Variants in AJAP1 observed in about 807,000 individuals in gnomAD.
The protein encoded by AJAP1 is adherens junction-associated protein 1.
A neutral mutation model predicts 35.0 loss-of-function variants in AJAP1; 5 were observed. The ratio of observed to expected loss-of-function variants is 0.14; its 90% CI spans 0.07 to 0.30. The LOEUF (loss-of-function observed/expected upper bound fraction) is 0.30, where lower values mean the gene tolerates loss of function less well. AJAP1 is among the 10% of genes least tolerant of loss of function. The pLI, the probability that AJAP1 is intolerant of heterozygous loss-of-function variation, is 1.00. For synonymous variants in AJAP1, 284 were observed against 249.3 expected, an observed-to-expected ratio of 1.14 and a Z score of -1.31; for missense variants, 586 against 571.0, an observed-to-expected ratio of 1.03 and a Z score of -0.27.
chr1:4,658,327 C>T (rs911563176), intron 1 of AJAP1, among the ~76,000 whole-genome samples: 2 of 152,192 alleles, frequency 1.3e-5, no homozygotes, highest in Non-Finnish European at 2.9e-5. Context: ...ACATAATTCA[C>T]AGTTCCCCAA....
intron 1 of AJAP1, among the ~76,000 whole-genome samples, chr1:4,702,090 G>A (rs1324515811): frequency 6.6e-6 from 1 of 151,834 alleles, no homozygotes; most frequent in Non-Finnish European, 1.5e-5. Context: ...GTTCTCATGT[G>A]TCCCCAGTAT....
intron 5 of AJAP1, among the ~76,000 whole-genome samples, chr1:4,780,049 CA>C (rs754612745): frequency 9.0e-5 from 13 of 144,608 alleles, no homozygotes; most frequent in Non-Finnish European, 1.5e-4. Context: ...GAGGCTGAGG[CA>C]GGAGAATCGC....
chr1:4,660,367 C>A (rs1029536876), intron 1 of AJAP1, among the ~76,000 whole-genome samples: 19 of 152,220 alleles, frequency 1.2e-4, no homozygotes, highest in South Asian at 4.2e-4. Flanking sequence ...AGGGCAACAT[C>A]AGGCCTCCTT....
intron 1 of AJAP1, among the ~76,000 whole-genome samples, chr1:4,686,947 G>T (rs1316052065): frequency 6.6e-6 from 1 of 152,200 alleles, no homozygotes; most frequent in Non-Finnish European, 1.5e-5. Context: ...AGAGCTGATG[G>T]AGTGCCCGTG....
In AJAP1 at chr1:4,782,560, C is replaced by G. The variant is rs1642083382; in HGVS notation, c.*75C>G. On this transcript the variant is annotated 3_prime_UTR_variant, in exon 6 of 6. Transcript: ENST00000378191. This position sits in a 1 kb window ranked among gnomAD's most constrained non-coding sequence, Gnocchi z 5.3. Reference sequence around the variant, plus strand: ...TTCCACACAGGATTCCGTTGGTGAACCTGTAAAAACAAAACAAACAAAACA... The same window carrying G: ...TTCCACACAGGATTCCGTTGGTGAAGCTGTAAAAACAAAACAAACAAAACA... 1 of 391,840 alleles carries G rather than the reference C, an allele frequency of 2.6e-6. No homozygotes were observed. The highest frequency in any genetic ancestry group is 3.6e-5 in the East Asian group (1 of 27,770). The allele number at this position is 391,840 out of a possible 1,614,324, so 24.3% of individuals were successfully genotyped here. A position where few individuals can be genotyped will look rare whatever the true frequency, so the allele number is the denominator to read the frequency against.
At chr1:4,772,249 G>C in intron 3 of AJAP1, 31 bp from the exon 4 acceptor site, 1 of 1,610,912 alleles carries the variant, frequency 6.2e-7, no homozygotes, top group East Asian at 2.2e-5. Flanking sequence ...GCCTCTGCCC[G>C]TCCCCCTACC....
chr1:4,772,555 C>T (rs1166734809), intron 4 of AJAP1, 30 bp downstream of exon 4: 1 of 1,605,864 alleles, frequency 6.2e-7, no homozygotes, highest in Non-Finnish European at 8.5e-7. Flanking sequence ...GACCCTGCAG[C>T]TGTGAAGCTC....
At chr1:4,758,505 G>C (rs542275881) in intron 2 of AJAP1, among the ~76,000 whole-genome samples, 3 of 152,188 alleles carry the variant, frequency 2.0e-5, no homozygotes, top group African/African-American at 4.8e-5. Context: ...GAGAAATGCC[G>C]AGTGAAGCGG....
At chr1:4,705,395 CTTTTTTTTTT>C (rs58022692) in intron 1 of AJAP1, among the ~76,000 whole-genome samples, 5 of 23,768 alleles carry the variant, frequency 2.1e-4, no homozygotes, top group East Asian at 2.3e-3. Context: ...TTTTGAAGAG[CTTTTTTTTTT>C]TTTTTTTTTT....
Position 4,792,507 on chromosome 1 carries a change from A to G in AJAP1, c.*10022A>G, listed in dbSNP as rs1314955901. 4 of 142,444 alleles carry G rather than the reference A, an allele frequency of 2.8e-5. No individual in the cohort carries two copies. The highest frequency in any genetic ancestry group is 3.9e-4 in the East Asian group (2 of 5,156). 8.8% of individuals were successfully genotyped at this position (142,444 alleles called of 1,614,324 possible). ...GTACTCTGATGTTGCTATTAAAAAA[A>G]AAAACATAATATGAAAAAAAAAAAA... On this transcript the variant is annotated 3_prime_UTR_variant, in exon 6 of 6. Coordinates refer to ENST00000378191, the MANE Select transcript of AJAP1 (RefSeq NM_018836.4).
In AJAP1 at chr1:4,655,517, G is replaced by A; in HGVS notation, c.29+63G>A. The A allele has an allele frequency of 6.5e-7, 1 of 1,538,076 alleles. No homozygotes were observed. The highest frequency in any genetic ancestry group is 8.8e-7 in the Non-Finnish European group (1 of 1,136,378). ...GTGGGTGCCAGGCTGGGCGGAAGCG[G>A]CGCTTTCCTCTATGTTGCAAATCAA... is the stretch of plus-strand genomic sequence containing the variant. On this transcript the variant is annotated intron_variant, in intron 1 of 5. Coordinates refer to ENST00000378191, the MANE Select transcript of AJAP1 (RefSeq NM_018836.4). This position sits in a 1 kb window ranked among gnomAD's most constrained non-coding sequence, Gnocchi z 6.9.
chr1:4,723,714 G>C lies in AJAP1; in HGVS notation c.829+11015G>C, dbSNP rs1000408986. Among the ~76,000 whole-genome samples, 2 of 152,202 alleles carry C rather than the reference G, an allele frequency of 1.3e-5. No individual in the cohort carries two copies. The highest frequency in any genetic ancestry group is 2.9e-5 in the Non-Finnish European group (2 of 68,038). ...TTTTGAGGAGCTTTGCTCTGCAGGG[G>C]TTTGGGGAAAGGGAAGCTGTAGTTG... On this transcript the variant is annotated intron_variant, in intron 2 of 5. Coordinates refer to ENST00000378191, the MANE Select transcript of AJAP1 (RefSeq NM_018836.4). The surrounding 1 kb of genome is among the most constrained non-coding windows in gnomAD (Gnocchi z 4.3).
At chr1:4,780,095 G>T (rs1423374395) in intron 5 of AJAP1, among the ~76,000 whole-genome samples, 1 of 138,350 alleles carries the variant, frequency 7.2e-6, no homozygotes, top group Middle Eastern at 4.6e-3. Context: ...AGTGAGCTGA[G>T]ATTGTGCCAC....
At chr1:4,721,079 C>T (rs1446437029) in intron 2 of AJAP1, among the ~76,000 whole-genome samples, 1 of 152,226 alleles carries the variant, frequency 6.6e-6, no homozygotes, top group East Asian at 1.9e-4. Context: ...GTTGCACACG[C>T]TCCTCCCTTT....
chr1:4,681,302 G>A (rs72637587), intron 1 of AJAP1, among the ~76,000 whole-genome samples: 12,287 of 152,242 alleles, frequency 0.081, 697 homozygotes, highest in East Asian at 0.22. Context: ...GACTGCAAGG[G>A]AGAGGAATGT....
At chr1:4,750,196 T>A (rs900570201) in intron 2 of AJAP1, among the ~76,000 whole-genome samples, 4 of 152,236 alleles carry the variant, frequency 2.6e-5, no homozygotes, top group African/African-American at 9.6e-5. Context: ...ATGCCCATGT[T>A]TGTGTGTGCG....
chr1:4,708,414 C>T (rs766197047), intron 1 of AJAP1, among the ~76,000 whole-genome samples: 4 of 152,124 alleles, frequency 2.6e-5, no homozygotes, highest in African/African-American at 7.2e-5. Context: ...GGTGTGGGGT[C>T]GCCTGCCATC....
intron 1 of AJAP1, among the ~76,000 whole-genome samples, chr1:4,672,718 C>T (rs1453931283): frequency 6.6e-6 from 1 of 152,202 alleles, no homozygotes; most frequent in African/African-American, 2.4e-5. Flanking sequence ...CAGATTCCAT[C>T]CCTGTCCCCA....
chr1:4,658,595 A>G (rs1210201647), intron 1 of AJAP1, among the ~76,000 whole-genome samples: 1 of 152,220 alleles, frequency 6.6e-6, no homozygotes, highest in Non-Finnish European at 1.5e-5. Context: ...CTCGGGGACA[A>G]TCATGCTTGA....
Sources: allele counts gnomAD v4.1 joint callset (sites outside exome capture counted in the v4.1 genomes callset), GRCh38; gene constraint gnomAD v4.1.1; non-coding constraint Gnocchi (gnomAD v3.1); transcripts MANE v1.5; gene names NCBI Gene and HGNC (gene_info 2026-07-23, HGNC 2026-07-21).